Variants in SUPT6H observed in about 807,000 individuals in gnomAD.
SUPT6H encodes SPT6 homolog, histone chaperone and transcription elongation factor.
SUPT6H carries 11 observed loss-of-function variants against 222.3 expected under a neutral mutation model. The observed-to-expected ratio is 0.05, with a 90% CI of 0.03 to 0.08. The LOEUF (loss-of-function observed/expected upper bound fraction) is 0.08. Among genes scored for constraint, SUPT6H ranks in the 10% least tolerant of loss-of-function variants. SUPT6H has a pLI of 1.00. For missense variants in SUPT6H, 1,422 were observed against 2,216.0 expected (o/e 0.64, Z 7.19); for synonymous variants, 762 against 801.2 (o/e 0.95, Z 0.83).
rs2032126894 is a variant in SUPT6H, at chr17:28,701,371, G to A, written c.4995-68G>A. ...TAGGTATGAGGTTCCTTTCTGCAAG[G>A]GTACAGTGATTGGTGGGAAGACTTC... On this transcript the variant is annotated intron_variant, in intron 36 of 36. Transcript: ENST00000314616. 5 of 1,566,288 alleles carry A rather than the reference G, an allele frequency of 3.2e-6. No individual in the cohort carries two copies. In the South Asian group the frequency reaches 3.6e-5, roughly 11 times the overall value.
rs775997211 is a variant in SUPT6H at position 28,700,266 on chromosome 17, CTGGGACTGGAGG to C, written c.4639+22_4639+33del. On this transcript the variant is annotated intron_variant, in intron 34 of 36. Coordinates refer to ENST00000314616, the MANE Select transcript of SUPT6H (RefSeq NM_003170.5). Reference sequence around the variant, plus strand: ...AACCTTGCAGGTGAGGAGCTTGAGCCTGGGACTGGAGGTGGGAAGGATGGAGCTAAAGGGACT... The same window carrying C: ...AACCTTGCAGGTGAGGAGCTTGAGCCTGGGAAGGATGGAGCTAAAGGGACT... The C allele has an allele frequency of 1.5e-5, 24 of 1,614,134 alleles. No individual in the cohort carries two copies. In the South Asian group the frequency reaches 2.6e-4, roughly 18 times the overall value.
intron 1 of SUPT6H, chr17:28,672,744 A>T (rs1158047616): frequency 4.5e-5 from 6 of 134,696 alleles, no homozygotes; most frequent in East Asian, 2.3e-4. Flanking sequence ...ACAGAGTCTC[A>T]CTCTCTCGCC....
In SUPT6H at chr17:28,697,043, T is replaced by C; in HGVS notation, c.4170T>C (p.Asn1390=). ...HVDVREEGKE[N]AFSLGATLWI... ...ATGTGCGGGAGGAGGGCAAGGAAAA[T>C]GCCTTCAGCCTGGGAGCCACTCTGT... is the stretch of plus-strand genomic sequence containing the variant. The change falls in exon 30 of 37, where the codon AAT becomes AAC. Residue 1390 remains asparagine (N), a synonymous_variant. Coordinates refer to ENST00000314616, the MANE Select transcript of SUPT6H (RefSeq NM_003170.5). 1 of 1,613,970 alleles carries C rather than the reference T, an allele frequency of 6.2e-7. No individual in the cohort carries two copies. The highest frequency in any genetic ancestry group is 1.7e-5 in the Admixed American group (1 of 60,002).
At chr17:28,663,827 C>CCTTTTTTTTTTTTT (rs1567681347) in intron 1 of SUPT6H, among the ~76,000 whole-genome samples, 14 of 8,392 alleles carry the variant, frequency 1.7e-3, no homozygotes, top group African/African-American at 4.3e-3. Context: ...CTGCCCACTC[C>CCTTTTTTTTTTTTT]ATTTTTTTTT....
Position 28,693,835 on chromosome 17 carries a change from A to G in SUPT6H, c.3773A>G (p.Lys1258Arg). The change falls in exon 28 of 37, where the codon AAG (lysine) becomes AGG (arginine). Residue 1258 changes from lysine to arginine, a missense_variant and splice_region_variant. Lys to Arg is a conservative substitution (Grantham distance 26). Coordinates refer to ENST00000314616, the MANE Select transcript of SUPT6H (RefSeq NM_003170.5). ...KVVKRPEERV[K>R]VGMTVHCRIM... is the part of the protein sequence containing the mutation. ...GTAAAGCGGCCAGAAGAACGAGTGAAGGTAGAGGACTGATTGTCCTAAGGT... is the reference window on the plus strand; with the variant it reads ...GTAAAGCGGCCAGAAGAACGAGTGAGGGTAGAGGACTGATTGTCCTAAGGT... 6.2e-7 allele frequency: 1 copy of G among 1,614,172 alleles called. No homozygotes were observed. Among genetic ancestry groups the G allele is most frequent in the Non-Finnish European group, 8.5e-7 (1 of 1,180,016 alleles).
intron 1 of SUPT6H, among the ~76,000 whole-genome samples, chr17:28,666,153 A>G (rs959728795): frequency 6.6e-6 from 1 of 152,192 alleles, no homozygotes; most frequent in Non-Finnish European, 1.5e-5. Context: ...TGCTGAACTA[A>G]TTCCTCCTTA....
At position 28,694,796 on chromosome 17, in the gene SUPT6H, G is replaced by A. The variant is rs2031821304; in HGVS notation, c.3775-556G>A. Reference sequence around the variant, plus strand: ...GGGTGAAGTCATTACTTGAAGTCAGGAGTTCGAGACCAGCCTGGCCAACAT... The same window carrying A: ...GGGTGAAGTCATTACTTGAAGTCAGAAGTTCGAGACCAGCCTGGCCAACAT... On this transcript the variant is annotated intron_variant, in intron 28 of 36. Coordinates refer to ENST00000314616, the MANE Select transcript of SUPT6H (RefSeq NM_003170.5). Among the ~76,000 whole-genome samples, 7 of 152,180 alleles carry A rather than the reference G, an allele frequency of 4.6e-5. No homozygotes were observed. The South Asian group carries it at 1.5e-3, about 32-fold the overall frequency.
In SUPT6H at chr17:28,673,410, T is replaced by C. The variant is rs1374419097; in HGVS notation, c.9T>C (p.Asp3=). The part of the protein sequence containing the change: MS[D]FVESEAEESE... ...AGTGAGAAGCTGCAGCAATGTCTGATTTTGTGGAAAGCGAGGCTGAGGAGT... is the reference window on the plus strand; with the variant it reads ...AGTGAGAAGCTGCAGCAATGTCTGACTTTGTGGAAAGCGAGGCTGAGGAGT... The change falls in exon 2 of 37, where the codon GAT becomes GAC. Residue 3 remains aspartate (D), a synonymous_variant. Transcript: ENST00000314616. 5 of 1,613,684 alleles carry C rather than the reference T, an allele frequency of 3.1e-6. No homozygotes were observed. In the East Asian group the frequency reaches 6.7e-5, roughly 22 times the overall value.
At chr17:28,667,405 G>GTATATATATATATATATATATA (rs59286877) in intron 1 of SUPT6H, among the ~76,000 whole-genome samples, 1 of 49,302 alleles carries the variant, frequency 2.0e-5, no homozygotes, top group African/African-American at 8.0e-5. Flanking sequence ...GTGTGTGTGT[G>GTATATATATATATATATATATA]TATATATATA....
In SUPT6H at chr17:28,690,164, G is replaced by A. The variant is rs139669399; in HGVS notation, c.3425G>A (p.Arg1142His). 1.6e-4 allele frequency: 266 copies of A among 1,613,726 alleles called. No individual in the cohort carries two copies. Among genetic ancestry groups the A allele is most frequent in the Middle Eastern group, 3.4e-4 (2 of 5,872 alleles). Reference sequence around the variant, plus strand: ...TATAAGGACCTCCGGACAGCCTACCGCTCTCCCAACACAGAGGAGATCTTC... The same window carrying A: ...TATAAGGACCTCCGGACAGCCTACCACTCTCCCAACACAGAGGAGATCTTC... ...CRYKDLRTAY[R>H]SPNTEEIFNM... Residue 1142 changes from arginine (R) to histidine (H), a missense_variant, in exon 26 of 37, where the codon CGC becomes CAC. Physicochemically the swap from Arg to His is conservative, Grantham distance 29 (BLOSUM62 0). Around this residue, in one of 13 missense-constraint regions of SUPT6H, gnomAD observed 60 missense variants for 96.7 expected, o/e 0.62. Transcript: ENST00000314616.
chr17:28,669,477 G>A (rs2030285792), intron 1 of SUPT6H, among the ~76,000 whole-genome samples: 1 of 152,154 alleles, frequency 6.6e-6, no homozygotes, highest in African/African-American at 2.4e-5. Context: ...ACAGCACTCG[G>A]CCGAATAATA....
chr17:28,693,033 G>C (rs778810223), intron 27 of SUPT6H, among the ~76,000 whole-genome samples: 7 of 151,300 alleles, frequency 4.6e-5, no homozygotes, highest in Non-Finnish European at 8.8e-5. Context: ...ACCCAGACTT[G>C]GGGGCGTGCG....
chr17:28,679,327 C>T (rs937846711), intron 11 of SUPT6H, among the ~76,000 whole-genome samples: 6 of 152,062 alleles, frequency 3.9e-5, no homozygotes, highest in Middle Eastern at 3.4e-3. Flanking sequence ...GAGCTGAGAT[C>T]GTGCCACTGC....
intron 28 of SUPT6H, among the ~76,000 whole-genome samples, chr17:28,694,372 C>T (rs1295628155): frequency 6.6e-6 from 1 of 152,220 alleles, no homozygotes; most frequent in African/African-American, 2.4e-5. Flanking sequence ...TAGATACCAG[C>T]ACTGACATCG....
rs371015438 is a variant in SUPT6H, at chr17:28,678,845, G to C, written c.1231G>C (p.Glu411Gln). Reference sequence around the variant, plus strand: ...GTGGACCCAGCTGCGGATCCGTAAAGAGAACCTAACACGGCTGTTTGAGAA... The same window carrying C: ...GTGGACCCAGCTGCGGATCCGTAAACAGAACCTAACACGGCTGTTTGAGAA... Reference protein sequence around the residue: ...EKWTQLRIRKENLTRLFEKMQ... With the variant: ...EKWTQLRIRKQNLTRLFEKMQ... The change falls in exon 11 of 37, where the codon GAG (glutamate) becomes CAG (glutamine). Residue 411 changes from glutamate to glutamine, a missense_variant. By Grantham distance (29) the Glu-to-Gln change is conservative. Coordinates refer to ENST00000314616, the MANE Select transcript of SUPT6H (RefSeq NM_003170.5). 3.7e-6 allele frequency: 6 copies of C among 1,614,202 alleles called. No individual in the cohort carries two copies. The highest frequency in any genetic ancestry group is 2.5e-6 in the Non-Finnish European group (3 of 1,180,044).
chr17:28,693,927 G>A, intron 28 of SUPT6H, 91 bp downstream of exon 28: 1 of 1,549,182 alleles, frequency 6.5e-7, no homozygotes, highest in African/African-American at 1.4e-5. Context: ...CCAGAAGTTA[G>A]GCTCTGTTCC....
chr17:28,689,258 C>G, intron 24 of SUPT6H, 96 bp from the exon 25 acceptor site: 1 of 1,126,482 alleles, frequency 8.9e-7, no homozygotes, highest in East Asian at 2.4e-5. Flanking sequence ...ATGGAGGTGC[C>G]CTAATTTATT....
chr17:28,671,310 C>T (rs984317584), intron 1 of SUPT6H: 3 of 152,202 alleles, frequency 2.0e-5, no homozygotes, highest in African/African-American at 7.2e-5. Flanking sequence ...TTGCAGCACA[C>T]CTGAAGGGAT....
At chr17:28,672,982 C>A (rs1304230179) in intron 1 of SUPT6H, 45 of 160,196 alleles carry the variant, frequency 2.8e-4, no homozygotes, top group East Asian at 1.8e-4. Context: ...GAAACCACAT[C>A]TCTTCTAAGA....
Sources: gnomAD v4.1 joint callset for allele counts (sites outside exome capture counted in the v4.1 genomes callset) on GRCh38, gnomAD v4.1.1 for gene constraint, gnomAD v4.1.1 regional missense constraint, MANE v1.5 for transcripts, NCBI Gene and HGNC (gene_info 2026-07-23, HGNC 2026-07-21) for gene names.